Variants in TCF4 observed in about 807,000 individuals in gnomAD.
TCF4 encodes the protein transcription factor 4, also known as SL3-3 enhancer factor 2.
TCF4 carries 3 observed loss-of-function variants against 82.1 expected under a neutral mutation model. The observed-to-expected ratio is 0.04, with a 90% CI of 0.02 to 0.09. The LOEUF is 0.09. TCF4 is among the 10% of genes least tolerant of loss of function. The pLI, the probability that TCF4 is intolerant of heterozygous loss-of-function variation, is 1.00. For synonymous variants in TCF4, 276 were observed against 309.6 expected, an observed-to-expected ratio of 0.89 and a Z score of 1.14; for missense variants, 518 against 852.7, an observed-to-expected ratio of 0.61 and a Z score of 4.89.
intron 6 of TCF4, among the ~76,000 whole-genome samples, chr18:55,373,065 T>C (rs1190293420): frequency 1.3e-5 from 2 of 152,056 alleles, no homozygotes; most frequent in Admixed American, 6.5e-5. Flanking sequence ...TTAAACTATG[T>C]TTATTTGGAT....
intron 6 of TCF4, among the ~76,000 whole-genome samples, chr18:55,390,215 G>GC: frequency 6.7e-6 from 1 of 149,476 alleles, no homozygotes; most frequent in South Asian, 2.1e-4. Flanking sequence ...ACTTTGGGAG[G>GC]CCAAGGTGGG....
chr18:55,435,608 A>C (rs2095312381), intron 5 of TCF4, among the ~76,000 whole-genome samples: 1 of 152,188 alleles, frequency 6.6e-6, no homozygotes, highest in Non-Finnish European at 1.5e-5. Flanking sequence ...TCTCATGTTC[A>C]TGTAGAGCCT....
At chr18:55,418,747 C>T (rs1488247237) in intron 5 of TCF4, among the ~76,000 whole-genome samples, 1 of 152,102 alleles carries the variant, frequency 6.6e-6, no homozygotes, top group Admixed American at 6.5e-5. Context: ...TTTTGTCATG[C>T]CATACTTGAG....
chr18:55,532,587 T>C (rs1225382592), intron 3 of TCF4, among the ~76,000 whole-genome samples: 1 of 152,196 alleles, frequency 6.6e-6, no homozygotes, highest in African/African-American at 2.4e-5. Context: ...GTTTCATAGA[T>C]TTGGAATATA....
chr18:55,355,672 ATTTATT>A (rs1326172400), intron 6 of TCF4, among the ~76,000 whole-genome samples: 1 of 152,106 alleles, frequency 6.6e-6, no homozygotes, highest in Non-Finnish European at 1.5e-5. Context: ...CACCTTTATA[ATTTATT>A]TTTATTTCTG....
At chr18:55,327,594 A>G (rs1488977447) in intron 8 of TCF4, among the ~76,000 whole-genome samples, 1 of 152,096 alleles carries the variant, frequency 6.6e-6, no homozygotes, top group Non-Finnish European at 1.5e-5. Context: ...TTATCACATG[A>G]TCAAATATTT....
At chr18:55,252,090 A>G (rs572084647) in intron 15 of TCF4, among the ~76,000 whole-genome samples, 1 of 152,296 alleles carries the variant, frequency 6.6e-6, no homozygotes, top group Admixed American at 6.5e-5. Flanking sequence ...CGGGAAAGAT[A>G]GGCCAAACCA....
At chr18:55,418,027 G>A (rs2094583233) in intron 5 of TCF4, among the ~76,000 whole-genome samples, 1 of 151,376 alleles carries the variant, frequency 6.6e-6, no homozygotes, top group African/African-American at 2.4e-5. Flanking sequence ...GTGTGTGTGT[G>A]TGTGTGTGTG....
chr18:55,479,262 A>G (rs567877692), intron 3 of TCF4: 21 of 152,092 alleles, frequency 1.4e-4, no homozygotes, highest in African/African-American at 4.8e-4. Context: ...TGAAGACCCA[A>G]TGTCTTCATT....
intron 5 of TCF4, among the ~76,000 whole-genome samples, chr18:55,409,699 T>C (rs1348403551): frequency 6.6e-6 from 1 of 152,210 alleles, no homozygotes; most frequent in African/African-American, 2.4e-5. Flanking sequence ...GGTTCAAAAA[T>C]TAAATTTTTA....
At chr18:55,402,034 A>G (rs1445799636) in intron 6 of TCF4, 4 of 985,444 alleles carry the variant, frequency 4.1e-6, no homozygotes, top group Non-Finnish European at 4.8e-6. Context: ...CAGGCTATCT[A>G]GCCCGAACAT....
At chr18:55,328,289 G>A (rs1006920962) in intron 8 of TCF4, among the ~76,000 whole-genome samples, 1 of 151,870 alleles carries the variant, frequency 6.6e-6, no homozygotes, top group Non-Finnish European at 1.5e-5. Flanking sequence ...AAGACTAGAT[G>A]TGATTTTTAT....
Position 55,254,559 on chromosome 18 carries a change from T to C in TCF4, c.1288A>G (p.Met430Val). 1 of 1,613,816 alleles carries C rather than the reference T, an allele frequency of 6.2e-7. No homozygotes were observed. The highest frequency in any genetic ancestry group is 8.5e-7 in the Non-Finnish European group (1 of 1,179,852). ...GIIGPSHNGA[M>V]GGLGSGYGTG... ...CCATACCCTGAGCCCAGACCACCCA[T>C]GGCTCCATTATGAGAAGGTCCAATG... is the stretch of plus-strand genomic sequence containing the variant. Residue 430 changes from methionine to valine, a missense_variant, in exon 15 of 20, where the codon ATG becomes GTG. Met to Val is a conservative substitution (Grantham distance 21, BLOSUM62 1). Transcript: ENST00000354452.
chr18:55,333,309 A>G (rs1353780131), intron 8 of TCF4, among the ~76,000 whole-genome samples: 1 of 152,138 alleles, frequency 6.6e-6, no homozygotes, highest in Non-Finnish European at 1.5e-5. Context: ...TGCAAATATC[A>G]TTTCTTATTC....
At chr18:55,472,346 G>A (rs892960462) in intron 3 of TCF4, among the ~76,000 whole-genome samples, 5 of 152,148 alleles carry the variant, frequency 3.3e-5, no homozygotes, top group Non-Finnish European at 1.5e-5. Flanking sequence ...AACGTACATT[G>A]AAGCCTTTAT....
intron 3 of TCF4, among the ~76,000 whole-genome samples, chr18:55,468,963 A>G (rs900420389): frequency 2.9e-4 from 43 of 148,290 alleles, no homozygotes; most frequent in Admixed American, 1.6e-3. Flanking sequence ...GCAAAAAGAA[A>G]GGAAGAAAGC....
In TCF4 at chr18:55,580,673, AT is replaced by A. The variant is rs1332375165; in HGVS notation, c.145+4606del. On this transcript the variant is annotated intron_variant, in intron 3 of 19. Transcript: ENST00000354452. ...ATGCTATCTACCCTAAAGATCACAG[AT>A]AGCATTTCGTGCGAAGCCTCAATAT... Among the ~76,000 whole-genome samples, 9 of 152,080 alleles carry A rather than the reference AT, an allele frequency of 5.9e-5. No individual in the cohort carries two copies. In the East Asian group the frequency reaches 1.7e-3, roughly 29 times the overall value.
At chr18:55,260,579 G>C (rs1340405476) in intron 12 of TCF4, among the ~76,000 whole-genome samples, 15 of 152,126 alleles carry the variant, frequency 9.9e-5, no homozygotes, top group African/African-American at 3.1e-4. Flanking sequence ...TTATTTATTT[G>C]ATGGAGTCTT....
At chr18:55,530,557 GA>G in intron 3 of TCF4, among the ~76,000 whole-genome samples, 3 of 33,916 alleles carry the variant, frequency 8.8e-5, no homozygotes, top group South Asian at 1.4e-3. Flanking sequence ...AGGTGGCCCT[GA>G]AAAGGGGGGG....
Sources: allele counts gnomAD v4.1 joint callset (sites outside exome capture counted in the v4.1 genomes callset), GRCh38; gene constraint gnomAD v4.1.1; transcripts MANE v1.5; gene names NCBI Gene and HGNC (gene_info 2026-07-23, HGNC 2026-07-21).